The following CEP126 variants were observed in gnomAD, a reference collection of about 807,000 sequenced individuals.
CEP126 encodes centrosomal protein 126, also known as centrosomal protein of 126 kDa.
A neutral mutation model predicts 107.8 loss-of-function variants in CEP126; 74 were observed. The ratio of observed to expected loss-of-function variants is 0.69; its 90% CI spans 0.57 to 0.83. CEP126 has a LOEUF of 0.83. CEP126 is among the 40% of genes least tolerant of loss of function. CEP126 has a pLI of 0.00. For synonymous variants in CEP126, 449 were observed against 446.0 expected (o/e 1.01, Z -0.08); for missense variants, 1,237 against 1,281.9 (o/e 0.96, Z 0.53).
At chr11:101,978,212 A>C (rs1211852481) in intron 6 of CEP126, 135 bp from the exon 7 acceptor site, 1 of 670,498 alleles carries the variant, frequency 1.5e-6, no homozygotes, top group Admixed American at 2.4e-5. Context: ...GAGGAGCTCA[A>C]TAAAGCATGC....
At chr11:101,985,992 C>CTTT (rs1402873159) in intron 8 of CEP126, among the ~76,000 whole-genome samples, 5 of 98,046 alleles carry the variant, frequency 5.1e-5, no homozygotes, top group African/African-American at 7.7e-5. Flanking sequence ...GAATTGATTT[C>CTTT]TTTTTTTTTT....
intron 4 of CEP126, 144 bp downstream of exon 4, chr11:101,948,286 G>T: frequency 2.2e-6 from 1 of 464,468 alleles, no homozygotes; most frequent in Non-Finnish European, 3.8e-6. Context: ...AATTGAGGTA[G>T]AATAGAATGA....
chr11:101,943,914 C>G (rs905430580), intron 2 of CEP126, among the ~76,000 whole-genome samples: 1 of 152,098 alleles, frequency 6.6e-6, no homozygotes, highest in African/African-American at 2.4e-5. Context: ...ACTTCTTTCA[C>G]TAATGAATTC....
intron 7 of CEP126, among the ~76,000 whole-genome samples, chr11:101,979,277 G>T (rs1212560324): frequency 1.3e-5 from 2 of 152,152 alleles, no homozygotes; most frequent in Admixed American, 6.5e-5. Context: ...AATTGATAAT[G>T]ATGTTGTTTT....
At chr11:101,970,581 ATTAT>A (rs1021267781) in intron 6 of CEP126, among the ~76,000 whole-genome samples, 6 of 152,046 alleles carry the variant, frequency 3.9e-5, no homozygotes, top group Non-Finnish European at 7.4e-5. Flanking sequence ...ATGTTGACAC[ATTAT>A]TTAAATCTGA....
intron 1 of CEP126, among the ~76,000 whole-genome samples, chr11:101,922,106 T>C (rs565790412): frequency 6.8e-6 from 1 of 147,254 alleles, no homozygotes; most frequent in African/African-American, 2.5e-5. Context: ...TTTCTAAAAG[T>C]AGATTTTTTT....
At position 101,948,159 on chromosome 11, in the gene CEP126, C is replaced by A; in HGVS notation, c.506+17C>A. 3 of 1,414,236 alleles carry A rather than the reference C, an allele frequency of 2.1e-6. No individual in the cohort carries two copies. Among genetic ancestry groups the A allele is most frequent in the Non-Finnish European group, 3.0e-6 (3 of 1,004,944 alleles). 87.6% of individuals were successfully genotyped at this position (1,414,236 alleles called of 1,614,324 possible). On this transcript the variant is annotated intron_variant, in intron 4 of 10. Coordinates refer to ENST00000263468, the MANE Select transcript of CEP126 (RefSeq NM_020802.4). Reference sequence around the variant, plus strand: ...AAACTGGAGGTAAGTAATTTATGATCATTGTATACAATTATTACAATAATT... The same window carrying A: ...AAACTGGAGGTAAGTAATTTATGATAATTGTATACAATTATTACAATAATT...
At chr11:101,978,550 C>T in intron 7 of CEP126, 91 bp downstream of exon 7, 1 of 743,748 alleles carries the variant, frequency 1.3e-6, no homozygotes, top group Non-Finnish European at 2.3e-6. Context: ...TTGCTGTAAA[C>T]TGTATACCAC....
intron 2 of CEP126, among the ~76,000 whole-genome samples, chr11:101,930,644 CTGCTGATTAGTCCATTTTACAGAG>C (rs1940485023): frequency 1.3e-5 from 2 of 152,200 alleles, no homozygotes. Flanking sequence ...TGCCCATGTC[CTGCTGATTAGTCCATTTTACAGAG>C]TGCTGATTGG....
At chr11:101,937,393 T>C (rs1940598506) in intron 2 of CEP126, among the ~76,000 whole-genome samples, 1 of 152,188 alleles carries the variant, frequency 6.6e-6, no homozygotes, top group South Asian at 2.1e-4. Context: ...TACAGTAGCA[T>C]CACCGGAATA....
intron 2 of CEP126, among the ~76,000 whole-genome samples, chr11:101,936,515 G>A (rs1940581603): frequency 1.3e-5 from 2 of 152,064 alleles, no homozygotes; most frequent in Non-Finnish European, 2.9e-5. Flanking sequence ...TGCAAATAAA[G>A]AGAATTTAAT....
chr11:101,919,057 T>C (rs1275396508), intron 1 of CEP126, among the ~76,000 whole-genome samples: 1 of 152,202 alleles, frequency 6.6e-6, no homozygotes, highest in Non-Finnish European at 1.5e-5. Flanking sequence ...ACTTTGGAAT[T>C]TTTCATGAAG....
At position 101,997,735 on chromosome 11, in the gene CEP126, T is replaced by G. The variant is rs972284039; in HGVS notation, c.*92T>G. The G allele has an allele frequency of 2.6e-6, 4 of 1,567,584 alleles. No individual in the cohort carries two copies. Among genetic ancestry groups the G allele is most frequent in the Admixed American group, 3.5e-5 (2 of 57,936 alleles). On this transcript the variant is annotated 3_prime_UTR_variant, in exon 11 of 11. Coordinates refer to ENST00000263468, the MANE Select transcript of CEP126 (RefSeq NM_020802.4). ...TGAAAACCAGCCATAGGAAAACATG[T>G]GAGCAACAACCCCCATGAACATTTG...
At chr11:101,935,810 A>AAC (rs1940569260) in intron 2 of CEP126, among the ~76,000 whole-genome samples, 1 of 152,054 alleles carries the variant, frequency 6.6e-6, no homozygotes, top group African/African-American at 2.4e-5. Flanking sequence ...TTTTAGGATG[A>AAC]AGTATAGGAT....
At chr11:101,982,058 T>C (rs1941261860) in intron 8 of CEP126, 94 bp downstream of exon 8, 1 of 683,850 alleles carries the variant, frequency 1.5e-6, no homozygotes, top group Non-Finnish European at 2.5e-6. Context: ...ATTATGTAAT[T>C]GTTAAAGCAC....
chr11:101,983,650 C>A (rs1661883518), intron 8 of CEP126, among the ~76,000 whole-genome samples: 1 of 152,204 alleles, frequency 6.6e-6, no homozygotes, highest in Admixed American at 6.5e-5. Flanking sequence ...TTGCCAAGGT[C>A]ATCGCTGATG....
intron 7 of CEP126, among the ~76,000 whole-genome samples, chr11:101,979,064 G>C (rs567633016): frequency 6.6e-6 from 1 of 151,914 alleles, no homozygotes. Flanking sequence ...CCTGGGAGGC[G>C]GAGGTTACAG....
At chr11:101,942,694 T>C (rs1591276087) in intron 2 of CEP126, among the ~76,000 whole-genome samples, 1 of 151,970 alleles carries the variant, frequency 6.6e-6, no homozygotes, top group South Asian at 2.1e-4. Flanking sequence ...GAATAGAATC[T>C]GAAGGTAGCT....
intron 2 of CEP126, among the ~76,000 whole-genome samples, chr11:101,929,485 T>G (rs1013246525): frequency 3.3e-5 from 5 of 152,194 alleles, no homozygotes; most frequent in Non-Finnish European, 5.9e-5. Flanking sequence ...TCTTTATTAC[T>G]GCTGAGCAGG....
Sources: allele counts gnomAD v4.1 joint callset (sites outside exome capture counted in the v4.1 genomes callset), GRCh38; gene constraint gnomAD v4.1.1; transcripts MANE v1.5; gene names NCBI Gene and HGNC (gene_info 2026-07-23, HGNC 2026-07-21).